The following DENND1A variants were observed in gnomAD, a reference collection of about 807,000 sequenced individuals.
DENND1A encodes the protein DENN domain-containing protein 1A.
Under a neutral mutation model 113.7 loss-of-function variants are expected in DENND1A, and 51 were observed. That is an observed-to-expected ratio of 0.45 (90% CI 0.36 to 0.57). DENND1A has a LOEUF of 0.57. DENND1A is among the 20% of genes least tolerant of loss of function. The pLI, the probability that DENND1A is intolerant of heterozygous loss-of-function variation, is 0.00. For missense variants in DENND1A, 1,258 were observed against 1,395.9 expected (o/e 0.90, Z 1.57); for synonymous variants, 565 against 570.8 (o/e 0.99, Z 0.14).
At chr9:123,672,846 A>C (rs964880829) in intron 6 of DENND1A, among the ~76,000 whole-genome samples, 2 of 152,224 alleles carry the variant, frequency 1.3e-5, no homozygotes, top group Non-Finnish European at 2.9e-5. Flanking sequence ...ATAGCAGCAG[A>C]AAACAAACTA....
chr9:123,563,917 G>A (rs1334743698), intron 12 of DENND1A, among the ~76,000 whole-genome samples: 1 of 152,108 alleles, frequency 6.6e-6, no homozygotes, highest in Non-Finnish European at 1.5e-5. Context: ...AAAAATACAA[G>A]CCTCCAACTT....
chr9:123,843,407 TTA>T, intron 2 of DENND1A: 1 of 313,946 alleles, frequency 3.2e-6, no homozygotes, highest in Non-Finnish European at 6.4e-6. Flanking sequence ...CCACTGTACC[TTA>T]TGTTTGTTAG....
At chr9:123,799,393 GAC>G (rs1834276285) in intron 2 of DENND1A, among the ~76,000 whole-genome samples, 1 of 152,146 alleles carries the variant, frequency 6.6e-6, no homozygotes, top group Non-Finnish European at 1.5e-5. Context: ...TGATAAATAA[GAC>G]ACAGTCCTCA....
intron 2 of DENND1A, among the ~76,000 whole-genome samples, chr9:123,862,475 A>G (rs2133304591): frequency 6.6e-6 from 1 of 152,338 alleles, no homozygotes; most frequent in East Asian, 1.9e-4. Flanking sequence ...AAAGTAAAAC[A>G]TAGAAGCAAG....
intron 5 of DENND1A, among the ~76,000 whole-genome samples, chr9:123,718,762 T>A (rs1429966126): frequency 1.3e-5 from 2 of 152,194 alleles, no homozygotes; most frequent in Non-Finnish European, 2.9e-5. Flanking sequence ...ACAATGTTCT[T>A]TTCAAAGGCA....
At chr9:123,398,005 C>G (rs79899198) in intron 21 of DENND1A, among the ~76,000 whole-genome samples, 3 of 152,182 alleles carry the variant, frequency 2.0e-5, no homozygotes, top group African/African-American at 7.2e-5. Flanking sequence ...GGTGTGCAGT[C>G]GAAAGCACTT....
chr9:123,755,704 T>A (rs1481132733), intron 5 of DENND1A, among the ~76,000 whole-genome samples: 3 of 152,228 alleles, frequency 2.0e-5, no homozygotes, highest in Non-Finnish European at 4.4e-5. Flanking sequence ...AAGGCCTTTA[T>A]GATGATCCAC....
intron 1 of DENND1A, among the ~76,000 whole-genome samples, chr9:123,893,326 T>A (rs1198339067): frequency 6.6e-6 from 1 of 152,174 alleles, no homozygotes; most frequent in African/African-American, 2.4e-5. Context: ...AGCATGCCAC[T>A]GCATAGTTTA....
chr9:123,427,312 G>A (rs989754050), intron 19 of DENND1A, among the ~76,000 whole-genome samples: 1 of 152,214 alleles, frequency 6.6e-6, no homozygotes, highest in African/African-American at 2.4e-5. Flanking sequence ...GTGGCACAGA[G>A]TAGGCATCAG....
intron 13 of DENND1A, among the ~76,000 whole-genome samples, chr9:123,471,944 G>A (rs2049460709): frequency 6.6e-6 from 1 of 152,230 alleles, no homozygotes; most frequent in Non-Finnish European, 1.5e-5. Flanking sequence ...TCTCTGGATG[G>A]GGATTCTGTA....
rs117826516 is a variant in DENND1A at position 123,505,531 on chromosome 9, G to A, written c.994-47634C>T. On this transcript the variant is annotated intron_variant, in intron 13 of 23. Coordinates refer to ENST00000394215, the MANE Select transcript of DENND1A (RefSeq NM_001352964.2). The stretch of plus-strand genomic sequence containing the variant: ...AGATATTGTATTTGGGGGGAAAAAT[G>A]AAATAAAATTATTTCATTAACTAAA... Among the ~76,000 whole-genome samples the A allele has an allele frequency of 7.7e-3, 1,174 of 152,242 alleles. 19 individuals carry two copies. The highest frequency in any genetic ancestry group is 7.9e-3 in the Non-Finnish European group (537 of 67,990).
At chr9:123,816,295 C>T (rs764211849) in intron 2 of DENND1A, among the ~76,000 whole-genome samples, 3 of 152,108 alleles carry the variant, frequency 2.0e-5, no homozygotes, top group Non-Finnish European at 2.9e-5. Flanking sequence ...AGCCACCACG[C>T]CCAGCTGAAA....
chr9:123,600,907 C>T (rs1042304652), intron 11 of DENND1A, among the ~76,000 whole-genome samples: 2 of 152,082 alleles, frequency 1.3e-5, no homozygotes, highest in African/African-American at 4.8e-5. Context: ...CATATGACTC[C>T]AGTGCCCACG....
intron 10 of DENND1A, among the ~76,000 whole-genome samples, chr9:123,627,757 A>AG (rs2061299333): frequency 2.1e-5 from 3 of 144,362 alleles, no homozygotes; most frequent in Non-Finnish European, 3.0e-5. Context: ...AAAAAAAAAA[A>AG]AGAGAGAGAG....
intron 22 of DENND1A, among the ~76,000 whole-genome samples, chr9:123,385,935 C>T (rs1449795654): frequency 1.3e-5 from 2 of 152,074 alleles, no homozygotes; most frequent in Non-Finnish European, 2.9e-5. Flanking sequence ...TCTTTTGAGC[C>T]CATTTTGAGT....
chr9:123,660,195 T>C (rs1391585232), intron 8 of DENND1A, among the ~76,000 whole-genome samples: 1 of 152,068 alleles, frequency 6.6e-6, no homozygotes, highest in Non-Finnish European at 1.5e-5. Flanking sequence ...GTCTACCCCT[T>C]TCGGAGTAGC....
chr9:123,478,304 GCGT>G (rs2050073858), intron 13 of DENND1A, among the ~76,000 whole-genome samples: 1 of 152,324 alleles, frequency 6.6e-6, no homozygotes, highest in Non-Finnish European at 1.5e-5. Context: ...AGGGGAATAA[GCGT>G]CCAGGGCATA....
intron 13 of DENND1A, among the ~76,000 whole-genome samples, chr9:123,523,991 C>T (rs1052891497): frequency 5.3e-5 from 8 of 152,142 alleles, no homozygotes; most frequent in African/African-American, 1.7e-4. Context: ...CCTGCTGAAA[C>T]AGCGTGATGA....
chr9:123,537,644 C>A (rs914194231), intron 13 of DENND1A, among the ~76,000 whole-genome samples: 16 of 147,258 alleles, frequency 1.1e-4, no homozygotes, highest in Non-Finnish European at 2.3e-4. Context: ...AACAAAAAAA[C>A]AAAGAAAAAA....
Sources: allele counts gnomAD v4.1 joint callset (sites outside exome capture counted in the v4.1 genomes callset), GRCh38; gene constraint gnomAD v4.1.1; transcripts MANE v1.5; gene names NCBI Gene and HGNC (gene_info 2026-07-23, HGNC 2026-07-21).